The following C16orf96 variants were observed in gnomAD, a reference collection of about 807,000 sequenced individuals.
C16orf96 encodes the protein uncharacterized protein C16orf96.
A neutral mutation model predicts 103.6 loss-of-function variants in C16orf96; 108 were observed. That is an observed-to-expected ratio of 1.04 (90% CI 0.89 to 1.22). The LOEUF (loss-of-function observed/expected upper bound fraction) is 1.22, where lower values mean the gene tolerates loss of function less well. C16orf96 is among the 50% of genes most tolerant of loss of function. C16orf96 has a pLI of 0.00. For synonymous variants in C16orf96, 566 were observed against 593.5 expected (o/e 0.95, Z 0.67); for missense variants, 1,586 against 1,464.2 (o/e 1.08, Z -1.36).
At chr16:4,546,048 G>C in the C16orf96 span, among the ~76,000 whole-genome samples, 1 of 151,322 alleles carries the variant, frequency 6.6e-6, no homozygotes, top group African/African-American at 2.4e-5. Context: ...TGGGGTTTCA[G>C]CATGTTGGCC....
At position 4,579,122 on chromosome 16, in the gene C16orf96, G is replaced by A. The variant is rs979296799; in HGVS notation, c.2241+97G>A. On this transcript the variant is annotated intron_variant, in intron 6 of 15. Transcript: ENST00000444310. ...CTGCCCCCCTCCCAGGTGCAGCTGT[G>A]TTCTGCAGCAAAACAGGCTGGGGGA... 27 of 1,106,312 alleles carry A rather than the reference G, an allele frequency of 2.4e-5. No homozygotes were observed. The East Asian group carries it at 6.8e-4, about 28-fold the overall frequency. 68.5% of individuals were successfully genotyped at this position (1,106,312 alleles called of 1,614,324 possible). A position where few individuals can be genotyped will look rare whatever the true frequency, so the allele number is the denominator to read the frequency against.
chr16:4,562,699 CT>C lies in C16orf96; in HGVS notation c.420+5791del. ...AAAAGTATTCATCTTACAAATTCTT[CT>C]GCAATCCAAACATATAATAGCTTGG... On this transcript the variant is annotated intron_variant, in intron 1 of 15. Transcript: ENST00000444310. 3 of 445,506 alleles carry C rather than the reference CT, an allele frequency of 6.7e-6. No individual in the cohort carries two copies. In the South Asian group the frequency reaches 1.4e-4, roughly 21 times the overall value. The allele number at this position is 445,506 out of a possible 1,614,324, so 27.6% of individuals were successfully genotyped here.
intron 1 of C16orf96, among the ~76,000 whole-genome samples, chr16:4,565,230 C>A (rs988606419): frequency 6.6e-6 from 1 of 152,120 alleles, no homozygotes; most frequent in South Asian, 2.1e-4. Flanking sequence ...CATGGGTCAG[C>A]TTCTGGAAGG....
upstream of C16orf96, among the ~76,000 whole-genome samples, chr16:4,555,086 A>T (rs1384500583): frequency 2.0e-5 from 3 of 151,172 alleles, no homozygotes; most frequent in Non-Finnish European, 4.4e-5. Context: ...AACATGGTGA[A>T]ACCCCATCTC....
the C16orf96 span, among the ~76,000 whole-genome samples, chr16:4,549,924 G>C: frequency 2.0e-5 from 3 of 152,110 alleles, no homozygotes; most frequent in Non-Finnish European, 4.4e-5. Flanking sequence ...TGTTGGCGCT[G>C]TGCTTTGTGT....
chr16:4,566,026 A>G (rs939215345), intron 1 of C16orf96, among the ~76,000 whole-genome samples: 5 of 152,054 alleles, frequency 3.3e-5, no homozygotes, highest in Admixed American at 3.3e-4. Context: ...AGTTTTATGT[A>G]GAGATGTGGT....
At chr16:4,542,892 G>A in the C16orf96 span, among the ~76,000 whole-genome samples, 3 of 152,090 alleles carry the variant, frequency 2.0e-5, no homozygotes, top group African/African-American at 7.2e-5. Context: ...TCAATTTGGA[G>A]CAGTCACATT....
In C16orf96 at chr16:4,594,905, G is replaced by C. The variant is rs1343444282; in HGVS notation, c.3127+102G>C. On this transcript the variant is annotated intron_variant, in intron 14 of 15. Coordinates refer to ENST00000444310, the MANE Select transcript of C16orf96 (RefSeq NM_001145011.2). ...GGGGCCCAGAGCCAGCACTATCCCT[G>C]ACCGGGGAGTCCTCACACAGTCAGT... 1.2e-5 allele frequency: 15 copies of C among 1,247,972 alleles called. No homozygotes were observed. In the East Asian group the frequency reaches 3.8e-4, roughly 32 times the overall value. 77.3% of individuals were successfully genotyped at this position (1,247,972 alleles called of 1,614,324 possible). A position where few individuals can be genotyped will look rare whatever the true frequency, so the allele number is the denominator to read the frequency against.
intron 7 of C16orf96, among the ~76,000 whole-genome samples, chr16:4,586,330 T>C (rs888797526): frequency 2.0e-5 from 3 of 152,202 alleles, no homozygotes; most frequent in African/African-American, 7.2e-5. Context: ...CACACTAAGC[T>C]ATAAGAGAGG....
chr16:4,546,488 G>A, the C16orf96 span, among the ~76,000 whole-genome samples: 2 of 132,272 alleles, frequency 1.5e-5, no homozygotes, highest in African/African-American at 5.3e-5. Flanking sequence ...TTAAGACACA[G>A]GGTCTCACTG....
Position 4,556,514 on chromosome 16 carries a change from G to A in C16orf96, c.25G>A (p.Glu9Lys), listed in dbSNP as rs754013744. The A allele has an allele frequency of 4.6e-6, 7 of 1,536,110 alleles. No homozygotes were observed. The highest frequency in any genetic ancestry group is 4.1e-5 in the African/African-American group (3 of 72,770). MSFSLTFT[E>K]LANIAIPQCG... is the part of the protein sequence containing the mutation. ...GATGAGCTTCTCACTCACGTTCACCGAGCTGGCCAACATCGCCATCCCACA... is the reference window on the plus strand; with the variant it reads ...GATGAGCTTCTCACTCACGTTCACCAAGCTGGCCAACATCGCCATCCCACA... Residue 9 changes from glutamate (E) to lysine (K), a missense_variant, in exon 1 of 16, where the codon GAG (glutamate) becomes AAG (lysine). Physicochemically the swap from Glu to Lys is moderately conservative, Grantham distance 56. Transcript: ENST00000444310.
At chr16:4,557,026 G>C in intron 1 of C16orf96, 117 bp downstream of exon 1, 1 of 1,224,106 alleles carries the variant, frequency 8.2e-7, no homozygotes, top group Non-Finnish European at 1.1e-6. Context: ...CTGGAGTGCA[G>C]TGGTGTGATC....
the C16orf96 span, among the ~76,000 whole-genome samples, chr16:4,540,743 G>A: frequency 1.1e-4 from 17 of 151,726 alleles, no homozygotes; most frequent in East Asian, 3.3e-3. Flanking sequence ...ATAAAACTCT[G>A]GATTCTTCTT....
At chr16:4,592,733 G>A (rs751822947) in intron 11 of C16orf96, among the ~76,000 whole-genome samples, 4 of 152,124 alleles carry the variant, frequency 2.6e-5, no homozygotes, top group Non-Finnish European at 4.4e-5. Flanking sequence ...GTATGATAGC[G>A]CCTGCCTATA....
rs1444756716 is a variant in C16orf96 at position 4,575,459 on chromosome 16, G to A, written c.979G>A (p.Gly327Arg). 6.5e-7 allele frequency: 1 copy of A among 1,548,618 alleles called. No homozygotes were observed. Among genetic ancestry groups the A allele is most frequent in the Non-Finnish European group, 8.7e-7 (1 of 1,146,948 alleles). Residue 327 changes from glycine to arginine, a missense_variant, in exon 5 of 16, where the codon GGG becomes AGG. Transcript: ENST00000444310. The part of the protein sequence containing the change: ...APGCTTEFAP[G>R]PAPGTEPVPG... ...TGGGTGCACAACTGAATTTGCACCTGGGCCTGCACCTGGGACTGAACCTGT... is the reference window on the plus strand; with the variant it reads ...TGGGTGCACAACTGAATTTGCACCTAGGCCTGCACCTGGGACTGAACCTGT...
At chr16:4,547,872 G>A in the C16orf96 span, among the ~76,000 whole-genome samples, 1 of 147,870 alleles carries the variant, frequency 6.8e-6, no homozygotes, top group Non-Finnish European at 1.5e-5. Context: ...AGCTCAAGCT[G>A]TCTTCAGTCC....
intron 2 of C16orf96, among the ~76,000 whole-genome samples, chr16:4,574,483 A>G (rs567832574): frequency 3.9e-5 from 6 of 152,202 alleles, no homozygotes; most frequent in South Asian, 2.1e-4. Flanking sequence ...TGACCTCTCA[A>G]AGTGCTGGGG....
At chr16:4,559,473 C>T (rs1254156342) in intron 1 of C16orf96, among the ~76,000 whole-genome samples, 1 of 152,040 alleles carries the variant, frequency 6.6e-6, no homozygotes, top group East Asian at 1.9e-4. Context: ...ATCGCTTGAA[C>T]CCTGGAGGTG....
At chr16:4,589,475 A>G (rs1310780157) in intron 9 of C16orf96, among the ~76,000 whole-genome samples, 1 of 151,276 alleles carries the variant, frequency 6.6e-6, no homozygotes, top group Non-Finnish European at 1.5e-5. Flanking sequence ...ACTACTCAGG[A>G]GGCTGAGGTG....
Sources: allele counts gnomAD v4.1 joint callset (sites outside exome capture counted in the v4.1 genomes callset), GRCh38; gene constraint gnomAD v4.1.1; transcripts MANE v1.5; gene names NCBI Gene and HGNC (gene_info 2026-07-23, HGNC 2026-07-21).